Variants in ST18 observed in about 807,000 individuals in gnomAD.
ST18 encodes the protein ST18 C2H2C-type zinc finger transcription factor, also known as suppression of tumorigenicity 18 protein.
A neutral mutation model predicts 110.0 loss-of-function variants in ST18; 50 were observed. The ratio of observed to expected loss-of-function variants is 0.45; its 90% CI spans 0.36 to 0.58. The LOEUF is 0.58. Among genes scored for constraint, ST18 ranks in the 20% least tolerant of loss-of-function variants. The pLI is 0.00. For synonymous variants in ST18, 461 were observed against 452.4 expected (o/e 1.02, Z -0.24); for missense variants, 1,306 against 1,280.1 (o/e 1.02, Z -0.31).
At chr8:52,228,025 C>A (rs2090075230) in intron 3 of ST18, among the ~76,000 whole-genome samples, 1 of 152,138 alleles carries the variant, frequency 6.6e-6, no homozygotes, top group Admixed American at 6.5e-5. Flanking sequence ...AATTGGATTT[C>A]AATACAAAAC....
intron 2 of ST18, among the ~76,000 whole-genome samples, chr8:52,324,909 C>T (rs1805600478): frequency 1.3e-5 from 2 of 152,270 alleles, no homozygotes; most frequent in East Asian, 3.9e-4. Context: ...TTGATCCAAA[C>T]AGCCAATCAA....
intron 14 of ST18, 38 bp from the exon 15 acceptor site, chr8:52,159,147 T>C (rs1445807709): frequency 1.3e-6 from 2 of 1,586,356 alleles, no homozygotes; most frequent in Non-Finnish European, 8.6e-7. Context: ...TGCATGTACA[T>C]GGTTTTAGTC....
At chr8:52,274,852 T>A (rs1165211977) in intron 2 of ST18, among the ~76,000 whole-genome samples, 1 of 152,230 alleles carries the variant, frequency 6.6e-6, no homozygotes, top group African/African-American at 2.4e-5. Context: ...TTTTCCCCAA[T>A]TTTTTGTTTC....
At chr8:52,393,478 C>T (rs1839998940) in intron 2 of ST18, 1 of 152,130 alleles carries the variant, frequency 6.6e-6, no homozygotes, top group African/African-American at 2.4e-5. Context: ...TTTCTTTTCA[C>T]TGACCATATA....
chr8:52,386,052 T>C (rs1232639895), intron 2 of ST18, among the ~76,000 whole-genome samples: 1 of 152,156 alleles, frequency 6.6e-6, no homozygotes, highest in Non-Finnish European at 1.5e-5. Context: ...AAATCCAAAA[T>C]GCCAACAAAG....
intron 2 of ST18, among the ~76,000 whole-genome samples, chr8:52,268,467 TCATC>T (rs1159633732): frequency 1.6e-5 from 2 of 124,214 alleles, no homozygotes; most frequent in Non-Finnish European, 3.4e-5. Flanking sequence ...TATCTATCTA[TCATC>T]TATCTATCTA....
chr8:52,207,966 A>T (rs2080707061), intron 8 of ST18, among the ~76,000 whole-genome samples: 1 of 152,250 alleles, frequency 6.6e-6, no homozygotes, highest in Non-Finnish European at 1.5e-5. Flanking sequence ...TGATTTAGAA[A>T]GACACAGGTG....
intron 2 of ST18, among the ~76,000 whole-genome samples, chr8:52,302,692 G>T (rs765348845): frequency 5.9e-5 from 9 of 152,220 alleles, no homozygotes; most frequent in Non-Finnish European, 1.3e-4. Flanking sequence ...AAGCCAGCTT[G>T]ACAGAGTTCT....
At chr8:52,328,972 T>G (rs536169480) in intron 2 of ST18, among the ~76,000 whole-genome samples, 23 of 152,262 alleles carry the variant, frequency 1.5e-4, no homozygotes, top group African/African-American at 5.5e-4. Context: ...AAACGCAACT[T>G]TCCCCAGCCA....
intron 17 of ST18, among the ~76,000 whole-genome samples, chr8:52,140,582 T>TAGAA (rs2054610664): frequency 6.6e-6 from 1 of 151,588 alleles, no homozygotes; most frequent in Middle Eastern, 3.5e-3. Context: ...GATAGATAGA[T>TAGAA]AGATAGATAG....
intron 2 of ST18, among the ~76,000 whole-genome samples, chr8:52,312,564 TAGA>T (rs2095938953): frequency 6.6e-6 from 1 of 152,220 alleles, no homozygotes; most frequent in Non-Finnish European, 1.5e-5. Flanking sequence ...AGATGGATCC[TAGA>T]AGAATGGTCA....
At chr8:52,251,426 A>C (rs1464586142) in intron 2 of ST18, among the ~76,000 whole-genome samples, 1 of 152,134 alleles carries the variant, frequency 6.6e-6, no homozygotes, top group Non-Finnish European at 1.5e-5. Flanking sequence ...CCATATACAC[A>C]TACACAAAAT....
At chr8:52,121,014 G>T (rs1280750256) in intron 23 of ST18, among the ~76,000 whole-genome samples, 1 of 152,172 alleles carries the variant, frequency 6.6e-6, no homozygotes, top group African/African-American at 2.4e-5. Flanking sequence ...AGCTGTCTCT[G>T]TGATGAGGCA....
At chr8:52,356,760 A>C (rs1822933261) in intron 2 of ST18, among the ~76,000 whole-genome samples, 1 of 152,184 alleles carries the variant, frequency 6.6e-6, no homozygotes, top group South Asian at 2.1e-4. Flanking sequence ...TGCCTCACCA[A>C]ATAGAAAATA....
chr8:52,387,996 A>G (rs545737303), intron 2 of ST18, among the ~76,000 whole-genome samples: 1 of 124,042 alleles, frequency 8.1e-6, no homozygotes, highest in Non-Finnish European at 1.6e-5. Context: ...ACAGAAGGTG[A>G]AAAGCTAGCA....
At chr8:52,360,805 T>C (rs1205139372) in intron 2 of ST18, among the ~76,000 whole-genome samples, 2 of 152,188 alleles carry the variant, frequency 1.3e-5, no homozygotes, top group African/African-American at 2.4e-5. Context: ...AGTAAGTTTT[T>C]TGAGTTTTAC....
chr8:52,118,289 C>T lies in ST18; in HGVS notation c.2859+49G>A, dbSNP rs1029604474. The T allele has an allele frequency of 1.0e-5, 13 of 1,285,550 alleles. No homozygotes were observed. In the Middle Eastern group the frequency reaches 1.7e-3, roughly 171 times the overall value. The allele number at this position is 1,285,550 out of a possible 1,614,324, so 79.6% of individuals were successfully genotyped here. On this transcript the variant is annotated intron_variant, in intron 24 of 25. Coordinates refer to ENST00000689386, the MANE Select transcript of ST18 (RefSeq NM_001352837.2). ...TTAAAATTTCAATGTTTTGTTTCCA[C>T]CAAAGATTATGATTACATTAAGGAT...
intron 16 of ST18, among the ~76,000 whole-genome samples, chr8:52,147,352 T>G (rs2057598794): frequency 6.6e-6 from 1 of 152,188 alleles, no homozygotes; most frequent in Non-Finnish European, 1.5e-5. Context: ...TTTCTGGCTT[T>G]CTGGGTGATA....
At chr8:52,173,819 A>T (rs1440586676) in intron 9 of ST18, among the ~76,000 whole-genome samples, 1 of 152,216 alleles carries the variant, frequency 6.6e-6, no homozygotes, top group Non-Finnish European at 1.5e-5. Flanking sequence ...ACATCTTTGG[A>T]GGGAAGAAAA....
Sources: allele counts gnomAD v4.1 joint callset (sites outside exome capture counted in the v4.1 genomes callset), GRCh38; gene constraint gnomAD v4.1.1; transcripts MANE v1.5; gene names NCBI Gene and HGNC (gene_info 2026-07-23, HGNC 2026-07-21).